The following PET117 variants were observed in gnomAD, a reference collection of about 807,000 sequenced individuals.
The protein encoded by PET117 is protein PET117 homolog, mitochondrial.
A neutral mutation model predicts 9.2 loss-of-function variants in PET117; 10 were observed. That is an observed-to-expected ratio of 1.09 (90% CI 0.67 to 1.85). PET117 has a LOEUF of 1.85. PET117 is among the 40% of genes most tolerant of loss of function. The pLI is 0.00. For synonymous variants in PET117, 43 were observed against 37.1 expected, an observed-to-expected ratio of 1.16 and a Z score of -0.57; for missense variants, 96 against 98.2, an observed-to-expected ratio of 0.98 and a Z score of 0.09.
In PET117 at chr20:18,138,035, A is replaced by G; in HGVS notation, c.80A>G (p.Gln27Arg). 15 of 1,493,094 alleles carry G rather than the reference A, an allele frequency of 1.0e-5. No homozygotes were observed. The highest frequency in any genetic ancestry group is 1.3e-5 in the Non-Finnish European group (15 of 1,128,072). 92.5% of individuals were successfully genotyped at this position (1,493,094 alleles called of 1,614,324 possible). The change falls in exon 1 of 2, where the codon CAG becomes CGG. Residue 27 changes from glutamine (Q) to arginine (R), a missense_variant. Coordinates refer to ENST00000432901, the MANE Select transcript of PET117 (RefSeq NM_001164811.2). ...ACAGTGGCCGGCGTACATGTGAAGC[A>G]GCAGTGGGACCAGCAGGTCGGTGTC... ...AATVAGVHVKQQWDQQRLRDG... is the reference protein window; with the variant it reads ...AATVAGVHVKRQWDQQRLRDG...
At chr20:18,140,795 G>A (rs2037507753) in intron 1 of PET117, among the ~76,000 whole-genome samples, 1 of 141,100 alleles carries the variant, frequency 7.1e-6, no homozygotes, top group Admixed American at 7.2e-5. Flanking sequence ...CTCCAGCCTG[G>A]GTGACAGAAC....
chr20:18,142,246 A>C lies in PET117; in HGVS notation c.135A>C (p.Gln45His), dbSNP rs747665536. The C allele has an allele frequency of 5.9e-6, 9 of 1,537,110 alleles. No individual in the cohort carries two copies. In the South Asian group the frequency reaches 1.1e-4, roughly 18 times the overall value. The part of the protein sequence containing the change: ...RDGVIRDIER[Q>H]IRKKENIRLL... ...GAGTTATCAGAGACATTGAGAGGCAAATTCGGAAAAAAGAAAACATTCGTC... is the reference window on the plus strand; with the variant it reads ...GAGTTATCAGAGACATTGAGAGGCACATTCGGAAAAAAGAAAACATTCGTC... The change falls in exon 2 of 2, where the codon CAA becomes CAC. Residue 45 changes from glutamine to histidine, a missense_variant. Transcript: ENST00000432901.
At position 18,142,452 on chromosome 20, in the gene PET117, T is replaced by G; in HGVS notation, c.*95T>G. 6.8e-7 allele frequency: 1 copy of G among 1,460,630 alleles called. No individual in the cohort carries two copies. Among genetic ancestry groups the G allele is most frequent in the Non-Finnish European group, 9.0e-7 (1 of 1,112,286 alleles). The allele number at this position is 1,460,630 out of a possible 1,614,324, so 90.5% of individuals were successfully genotyped here. ...GTAGTATCTTCATCTTTTTTTTTGG[T>G]CACTGTCCTTTTAAACTTGATCAAA... On this transcript the variant is annotated 3_prime_UTR_variant, in exon 2 of 2. Transcript: ENST00000432901.
Position 18,139,047 on chromosome 20 carries a change from C to A in PET117, c.96+996C>A, listed in dbSNP as rs117284089. Among the ~76,000 whole-genome samples, 600 of 152,256 alleles carry A rather than the reference C, an allele frequency of 3.9e-3. 11 individuals are homozygous for A. The highest frequency in any genetic ancestry group is 0.033 in the Admixed American group (505 of 15,284). On this transcript the variant is annotated intron_variant, in intron 1 of 1. Transcript: ENST00000432901. ...CTTTTCTTGATTTGCCTACCCAGAC[C>A]TTTGGACTGTGCTATGTGCTTGATA...
rs2037644010 is a variant in PET117 at position 18,142,943 on chromosome 20, G to A, written c.*586G>A. 6.2e-7 allele frequency: 1 copy of A among 1,607,800 alleles called. No individual in the cohort carries two copies. The highest frequency in any genetic ancestry group is 1.7e-5 in the Admixed American group (1 of 59,816). On this transcript the variant is annotated 3_prime_UTR_variant, in exon 2 of 2. Coordinates refer to ENST00000432901, the MANE Select transcript of PET117 (RefSeq NM_001164811.2). ...CAGTAAGGAGCTTCTCAATTCCTTTGATTTGTCAATTCCTGTGTGAAGGTT... is the reference window on the plus strand; with the variant it reads ...CAGTAAGGAGCTTCTCAATTCCTTTAATTTGTCAATTCCTGTGTGAAGGTT...
chr20:18,139,122 G>A (rs1600211367), intron 1 of PET117, among the ~76,000 whole-genome samples: 2 of 152,160 alleles, frequency 1.3e-5, no homozygotes, highest in East Asian at 3.8e-4. Context: ...CACAGACTGT[G>A]GAAATTAGAA....
Position 18,142,189 on chromosome 20 carries a change from CTG to C in PET117, c.97-17_97-16del, listed in dbSNP as rs1004846719. ...CACCTGTTCGGGATGTTACTGAAATCTGTTTCTTACGTTTTTAGAGGCTTCGT... is the reference window on the plus strand; with the variant it reads ...CACCTGTTCGGGATGTTACTGAAATCTTTCTTACGTTTTTAGAGGCTTCGT... On this transcript the variant is annotated splice_polypyrimidine_tract_variant and intron_variant, in intron 1 of 1. Coordinates refer to ENST00000432901, the MANE Select transcript of PET117 (RefSeq NM_001164811.2). 1 of 1,534,084 alleles carries C rather than the reference CTG, an allele frequency of 6.5e-7. No individual in the cohort carries two copies. The highest frequency in any genetic ancestry group is 1.4e-5 in the African/African-American group (1 of 72,942).
chr20:18,140,316 GT>G (rs1342773705), intron 1 of PET117, among the ~76,000 whole-genome samples: 8 of 152,056 alleles, frequency 5.3e-5, no homozygotes, highest in African/African-American at 1.9e-4. Flanking sequence ...AGACAGTTGT[GT>G]TTCAGTTGAG....
Position 18,142,181 on chromosome 20 carries a change from ACTGAAAT to A in PET117, c.97-23_97-17del, listed in dbSNP as rs2037612305. On this transcript the variant is annotated intron_variant, in intron 1 of 1. Coordinates refer to ENST00000432901, the MANE Select transcript of PET117 (RefSeq NM_001164811.2). ...ATGGGGACCACCTGTTCGGGATGTTACTGAAATCTGTTTCTTACGTTTTTAGAGGCTT... is the reference window on the plus strand; with the variant it reads ...ATGGGGACCACCTGTTCGGGATGTTACTGTTTCTTACGTTTTTAGAGGCTT... The A allele has an allele frequency of 6.5e-7, 1 of 1,533,062 alleles. No homozygotes were observed. The highest frequency in any genetic ancestry group is 1.4e-5 in the African/African-American group (1 of 72,950). 95.0% of individuals were successfully genotyped at this position (1,533,062 alleles called of 1,614,324 possible).
At chr20:18,138,164 G>C (rs1404574308) in intron 1 of PET117, 113 bp downstream of exon 1, 2 of 1,337,864 alleles carry the variant, frequency 1.5e-6, no homozygotes, top group Non-Finnish European at 1.9e-6. Context: ...TTTCCCCCGC[G>C]GTGGCGCGGC....
chr20:18,137,932 G>C lies in PET117; in HGVS notation c.-24G>C, dbSNP rs1459957276. Reference sequence around the variant, plus strand: ...CTGCGCCTCGGGCGGGCGGGAGAGAGAGGCCGCGGCCGCCAGCGTGGGGAT... The same window carrying C: ...CTGCGCCTCGGGCGGGCGGGAGAGACAGGCCGCGGCCGCCAGCGTGGGGAT... On this transcript the variant is annotated 5_prime_UTR_variant, in exon 1 of 2. Transcript: ENST00000432901. 5 of 1,478,400 alleles carry C rather than the reference G, an allele frequency of 3.4e-6. No individual in the cohort carries two copies. The African/African-American group carries it at 5.9e-5, about 17-fold the overall frequency. 91.6% of individuals were successfully genotyped at this position (1,478,400 alleles called of 1,614,324 possible).
chr20:18,139,633 C>CGTGTGTGTGTGTGTGTGTGTGTGT (rs71194228), intron 1 of PET117, among the ~76,000 whole-genome samples: 3 of 141,720 alleles, frequency 2.1e-5, no homozygotes, highest in Admixed American at 7.2e-5. Flanking sequence ...ACCAAAATAA[C>CGTGTGTGTGTGTGTGTGTGTGTGT]GTGTGTGTGT....
At position 18,142,502 on chromosome 20, in the gene PET117, T is replaced by TA; in HGVS notation, c.*146dup. 2 of 1,457,292 alleles carry TA rather than the reference T, an allele frequency of 1.4e-6. No homozygotes were observed. Among genetic ancestry groups the TA allele is most frequent in the South Asian group, 2.9e-5 (2 of 67,812 alleles). 90.3% of individuals were successfully genotyped at this position (1,457,292 alleles called of 1,614,324 possible). A position where few individuals can be genotyped will look rare whatever the true frequency, so the allele number is the denominator to read the frequency against. On this transcript the variant is annotated 3_prime_UTR_variant, in exon 2 of 2. Transcript: ENST00000432901. The stretch of plus-strand genomic sequence containing the variant: ...ATAAAGGACAGTGGGTCATATAAGT[T>TA]ACTGCTTTCAGGGTCCCTTATATCT...
intron 1 of PET117, among the ~76,000 whole-genome samples, chr20:18,138,841 A>C (rs1378493674): frequency 6.6e-6 from 1 of 152,162 alleles, no homozygotes; most frequent in Non-Finnish European, 1.5e-5. Context: ...CTACCTCACT[A>C]AGCACCTTGG....
Position 18,143,072 on chromosome 20 carries a change from TA to T in PET117, c.*716del. The T allele has an allele frequency of 7.0e-7, 1 of 1,419,946 alleles. No individual in the cohort carries two copies. Among genetic ancestry groups the T allele is most frequent in the Non-Finnish European group, 9.2e-7 (1 of 1,086,926 alleles). 88.0% of individuals were successfully genotyped at this position (1,419,946 alleles called of 1,614,324 possible). The stretch of plus-strand genomic sequence containing the variant: ...ATCAGCTATAAATTTATATAAAACA[TA>T]GGCATGTTTGTACTAATGAAACGTA... On this transcript the variant is annotated 3_prime_UTR_variant, in exon 2 of 2. Coordinates refer to ENST00000432901, the MANE Select transcript of PET117 (RefSeq NM_001164811.2).
In PET117 at chr20:18,139,632, A is replaced by AGGTGTGTGTGTG. The variant is rs1203664163; in HGVS notation, c.96+1581_96+1582insGGTGTGTGTGTG. 1.0e-3 allele frequency among the ~76,000 whole-genome samples: 102 copies of AGGTGTGTGTGTG among 99,856 alleles called. 1 individual carries two copies. Among genetic ancestry groups the AGGTGTGTGTGTG allele is most frequent in the Non-Finnish European group, 1.7e-3 (79 of 47,318 alleles). 65.5% of individuals were successfully genotyped at this position (99,856 alleles called of 152,430 possible). ...AAGTTAGAGCTGAAGAACCAAAATA[A>AGGTGTGTGTGTG]CGTGTGTGTGTGTGTGTGTGTGTGT... On this transcript the variant is annotated intron_variant, in intron 1 of 1. Transcript: ENST00000432901.
chr20:18,138,977 A>G (rs2037414511), intron 1 of PET117, among the ~76,000 whole-genome samples: 1 of 152,002 alleles, frequency 6.6e-6, no homozygotes, highest in Non-Finnish European at 1.5e-5. Flanking sequence ...AACCTAGTTC[A>G]CCAAGGGTGA....
At chr20:18,142,115 T>C (rs1437429803) in intron 1 of PET117, 93 bp from the exon 2 acceptor site, 1 of 1,288,338 alleles carries the variant, frequency 7.8e-7, no homozygotes, top group Non-Finnish European at 1.0e-6. Context: ...GTTTTAAGTA[T>C]ATTTTGGTAA....
Position 18,142,817 on chromosome 20 carries a change from G to T in PET117, c.*460G>T, listed in dbSNP as rs760131098. On this transcript the variant is annotated 3_prime_UTR_variant, in exon 2 of 2. Transcript: ENST00000432901. ...TCAGGCATCAGTGGACTTATCGCAC[G>T]ACCAGAGTGGGGATTCCCTCAACAG... The T allele has an allele frequency of 3.7e-6, 6 of 1,614,184 alleles. No individual in the cohort carries two copies. The highest frequency in any genetic ancestry group is 5.1e-6 in the Non-Finnish European group (6 of 1,180,042).
Sources: gnomAD v4.1 joint callset for allele counts (sites outside exome capture counted in the v4.1 genomes callset) on GRCh38, gnomAD v4.1.1 for gene constraint, MANE v1.5 for transcripts, NCBI Gene and HGNC (gene_info 2026-07-23, HGNC 2026-07-21) for gene names.